The following CAPN15 variants were observed in gnomAD, a reference collection of about 807,000 sequenced individuals.
CAPN15 encodes the protein calpain 15, also known as calpain-15.
In CAPN15, 53 loss-of-function variants were observed where a neutral mutation model predicts 97.9. The ratio of observed to expected loss-of-function variants is 0.54; its 90% CI spans 0.43 to 0.68. The LOEUF is 0.68. Ranked by LOEUF, CAPN15 falls within the 30% of genes least tolerant of loss-of-function variation. CAPN15 has a pLI of 0.00. For synonymous variants in CAPN15, 922 were observed against 722.5 expected (o/e 1.28, Z -4.43); for missense variants, 1,592 against 1,589.8 (o/e 1.00, Z -0.02).
rs1306134330 is a variant in CAPN15 at position 533,980 on chromosome 16, GAGCTTGCTGC to G, written c.-149_-140del. ...CAGACGCGGCACAGAGAGGGCCTGG[GAGCTTGCTGC>G]AGCTTCAGGTGAGTTTGTTCCCAAG... On this transcript the variant is annotated 5_prime_UTR_variant, in exon 2 of 14. Coordinates refer to ENST00000219611, the MANE Select transcript of CAPN15 (RefSeq NM_005632.3). 1 of 985,384 alleles carries G rather than the reference GAGCTTGCTGC, an allele frequency of 1.0e-6. No homozygotes were observed. Among genetic ancestry groups the G allele is most frequent in the Non-Finnish European group, 1.2e-6 (1 of 829,986 alleles). The allele number at this position is 985,384 out of a possible 1,614,324, so 61.0% of individuals were successfully genotyped here. A position where few individuals can be genotyped will look rare whatever the true frequency, so the allele number is the denominator to read the frequency against.
At chr16:549,942 G>A (rs1363769604) in intron 7 of CAPN15, 104 bp downstream of exon 7, 10 of 972,510 alleles carry the variant, frequency 1.0e-5, no homozygotes, top group African/African-American at 6.5e-5. Context: ...CTGCTTCCAC[G>A]AGGTGCCCCT....
At position 554,531 on chromosome 16, in the gene CAPN15, G is replaced by A. The variant is rs760888267; in HGVS notation, c.*1015G>A. 1 of 456,236 alleles carries A rather than the reference G, an allele frequency of 2.2e-6. No homozygotes were observed. The highest frequency in any genetic ancestry group is 2.3e-5 in the Admixed American group (1 of 42,584). The allele number at this position is 456,236 out of a possible 1,614,324, so 28.3% of individuals were successfully genotyped here. A position where few individuals can be genotyped will look rare whatever the true frequency, so the allele number is the denominator to read the frequency against. ...AAATACGGCCAGCTCTTGTGACACA[G>A]AGACTATTTTATCAATTGTCAGTCC... On this transcript the variant is annotated 3_prime_UTR_variant, in exon 14 of 14. Transcript: ENST00000219611.
In CAPN15 at chr16:530,095, G is replaced by C. The variant is rs528206521; in HGVS notation, c.-190+2066G>C. 1.1e-4 allele frequency among the ~76,000 whole-genome samples: 17 copies of C among 152,306 alleles called. No individual in the cohort carries two copies. The East Asian group carries it at 1.7e-3, about 16-fold the overall frequency. On this transcript the variant is annotated intron_variant, in intron 1 of 13. Transcript: ENST00000219611. ...TGGATGTGGGTTTTCTCACCACCAG[G>C]CTGTGCCTCAGCTGTGTGGAGCCAC...
intron 1 of CAPN15, among the ~76,000 whole-genome samples, chr16:530,528 A>C (rs1175761689): frequency 6.6e-6 from 1 of 152,108 alleles, no homozygotes. Context: ...TGATCTTTGC[A>C]TGTGTGTCTC....
In CAPN15 at chr16:552,735, C is replaced by T; in HGVS notation, c.2868C>T (p.Ile956=). 6.5e-7 allele frequency: 1 copy of T among 1,544,258 alleles called. No homozygotes were observed. Among genetic ancestry groups the T allele is most frequent in the African/African-American group, 1.4e-5 (1 of 72,984 alleles). Residue 956 remains isoleucine, a synonymous_variant, in exon 12 of 14, where the codon ATC becomes ATT. Transcript: ENST00000219611. This position sits in a 1 kb window ranked among gnomAD's most constrained non-coding sequence, Gnocchi z 6.4. The part of the protein sequence containing the change: ...EAQPTTLADA[I]ILLTESRGER... ...AGCCGACCACGCTGGCCGACGCCAT[C>T]ATCCTGCTCACCGAGAGCCGCGGAG... is the stretch of plus-strand genomic sequence containing the variant.
chr16:552,919 G>A lies in CAPN15; in HGVS notation c.2961G>A (p.Val987=), dbSNP rs770860082. 1 of 1,611,716 alleles carries A rather than the reference G, an allele frequency of 6.2e-7. No homozygotes were observed. Among genetic ancestry groups the A allele is most frequent in the Non-Finnish European group, 8.5e-7 (1 of 1,179,350 alleles). Residue 987 remains valine (V), a synonymous_variant, in exon 13 of 14, where the codon GTG becomes GTA. Coordinates refer to ENST00000219611, the MANE Select transcript of CAPN15 (RefSeq NM_005632.3). The surrounding 1 kb of genome is among the most constrained non-coding windows in gnomAD (Gnocchi z 6.4). ...YLTHGWAGLI[V]VVENRHPKAY... The stretch of plus-strand genomic sequence containing the variant: ...CACACGGTTGGGCGGGGCTCATCGT[G>A]GTGGTGGAGAACCGACACCCCAAGG...
At position 546,937 on chromosome 16, in the gene CAPN15, C is replaced by T. The variant is rs148465501; in HGVS notation, c.99C>T (p.Pro33=). Residue 33 remains proline, a synonymous_variant, in exon 4 of 14, where the codon CCC becomes CCT. Coordinates refer to ENST00000219611, the MANE Select transcript of CAPN15 (RefSeq NM_005632.3). The part of the protein sequence containing the change: ...CSICEAPRHK[P]DLNHILRLSV... ...TCTGCGAGGCTCCCCGGCACAAGCC[C>T]GACCTCAACCACATCCTGCGGCTCA... The T allele has an allele frequency of 3.5e-5, 56 of 1,610,704 alleles. No individual in the cohort carries two copies. The highest frequency in any genetic ancestry group is 4.6e-5 in the Non-Finnish European group (54 of 1,179,902).
At chr16:548,937 C>A in intron 4 of CAPN15, 56 bp from the exon 5 acceptor site, 1 of 1,539,496 alleles carries the variant, frequency 6.5e-7, no homozygotes, top group Non-Finnish European at 9.0e-7. Flanking sequence ...CTTGTCCCTG[C>A]CAGGTGGAGC....
At chr16:530,506 C>T (rs1021235543) in intron 1 of CAPN15, among the ~76,000 whole-genome samples, 2 of 152,210 alleles carry the variant, frequency 1.3e-5, no homozygotes, top group Non-Finnish European at 1.5e-5. Flanking sequence ...AGAGAACAGG[C>T]TTGCTGGCCT....
Position 546,887 on chromosome 16 carries a change from C to A in CAPN15, c.49C>A (p.Pro17Thr). Residue 17 changes from proline to threonine, a missense_variant, in exon 4 of 14, where the codon CCG (proline) becomes ACG (threonine). Transcript: ENST00000219611. Reference protein sequence around the residue: ...WSCVRCTFLNPAGQRQCSICE... With the variant: ...WSCVRCTFLNTAGQRQCSICE... ...CTGTGTGCGCTGCACCTTCCTGAAC[C>A]CGGCCGGCCAGCGCCAGTGCTCCAT... is the stretch of plus-strand genomic sequence containing the variant. The A allele has an allele frequency of 6.2e-7, 1 of 1,611,608 alleles. No individual in the cohort carries two copies. Among genetic ancestry groups the A allele is most frequent in the Non-Finnish European group, 8.5e-7 (1 of 1,179,736 alleles).
intron 7 of CAPN15, among the ~76,000 whole-genome samples, chr16:550,253 C>T (rs755990006): frequency 3.3e-5 from 5 of 152,216 alleles, no homozygotes; most frequent in South Asian, 4.1e-4. Context: ...TGCCCCGGTG[C>T]GAGCACCTTG....
At position 549,864 on chromosome 16, in the gene CAPN15, A is replaced by G. The variant is rs1388433550; in HGVS notation, c.2066+26A>G. ...GTAAGAGGAGGGGCACTGCGTGGTC[A>G]GCCGCGTTGGGAGGAGAGGCGAGGC... On this transcript the variant is annotated intron_variant, in intron 7 of 13. Coordinates refer to ENST00000219611, the MANE Select transcript of CAPN15 (RefSeq NM_005632.3). 3.9e-6 allele frequency: 6 copies of G among 1,525,480 alleles called. 1 individual carries two copies. Among genetic ancestry groups the G allele is most frequent in the Non-Finnish European group, 2.7e-6 (3 of 1,121,870 alleles). 94.5% of individuals were successfully genotyped at this position (1,525,480 alleles called of 1,614,324 possible). A position where few individuals can be genotyped will look rare whatever the true frequency, so the allele number is the denominator to read the frequency against.
chr16:534,231 C>CGGGGCCGTGGTCCTGTCATGGG (rs370331827), intron 2 of CAPN15, among the ~76,000 whole-genome samples: 1 of 147,792 alleles, frequency 6.8e-6, no homozygotes, highest in African/African-American at 2.7e-5. Context: ...GGGGTCCCGA[C>CGGGGCCGTGGTCCTGTCATGGG]AGGGGTGTTT....
chr16:540,172 G>A (rs2034014902), intron 3 of CAPN15: 1 of 985,438 alleles, frequency 1.0e-6, no homozygotes, highest in Non-Finnish European at 1.2e-6. Context: ...TCTCAGCACG[G>A]CCGCCGGCCG....
intron 3 of CAPN15, among the ~76,000 whole-genome samples, chr16:546,195 G>A (rs1268547129): frequency 5.3e-5 from 8 of 152,254 alleles, no homozygotes; most frequent in Admixed American, 1.3e-4. Context: ...CGTGTTGCTC[G>A]CGGAGACTTT....
intron 4 of CAPN15, 112 bp from the exon 5 acceptor site, chr16:548,881 C>A: frequency 1.0e-6 from 1 of 980,128 alleles, no homozygotes; most frequent in East Asian, 2.4e-5. Context: ...TCCACCCGTC[C>A]CTTTGGGGCT....
chr16:535,317 T>C lies in CAPN15; in HGVS notation c.-136-712T>C, dbSNP rs1200629109. 1.3e-5 allele frequency: 2 copies of C among 154,016 alleles called. No individual in the cohort carries two copies. The highest frequency in any genetic ancestry group is 1.9e-4 in the East Asian group (1 of 5,168). 9.5% of individuals were successfully genotyped at this position (154,016 alleles called of 1,614,324 possible). A position where few individuals can be genotyped will look rare whatever the true frequency, so the allele number is the denominator to read the frequency against. On this transcript the variant is annotated intron_variant, in intron 2 of 13. Coordinates refer to ENST00000219611, the MANE Select transcript of CAPN15 (RefSeq NM_005632.3). This position sits in a 1 kb window ranked among gnomAD's most constrained non-coding sequence, Gnocchi z 6.2. ...GGCCGCAGATGGAGCGGGGCGGCAA[T>C]GGTCACCTCCGGGACTCAGCCCTGT...
At position 551,614 on chromosome 16, in the gene CAPN15, G is replaced by C; in HGVS notation, c.2295G>C (p.Pro765=). The change falls in exon 9 of 14, where the codon CCG becomes CCC. Residue 765 remains proline (P), a synonymous_variant. Coordinates refer to ENST00000219611, the MANE Select transcript of CAPN15 (RefSeq NM_005632.3). The stretch of plus-strand genomic sequence containing the variant: ...GGCACCTGCGTGGCGAGCTCATGCC[G>C]CACGGCAGCAGTGAGGGTGTCTTCT... The part of the protein sequence containing the change: ...WPGHLRGELM[P]HGSSEGVFWM... 1.9e-6 allele frequency: 3 copies of C among 1,606,472 alleles called. No homozygotes were observed. Among genetic ancestry groups the C allele is most frequent in the Non-Finnish European group, 1.7e-6 (2 of 1,178,422 alleles).
chr16:532,633 C>T (rs1181599518), intron 1 of CAPN15, among the ~76,000 whole-genome samples: 1 of 151,658 alleles, frequency 6.6e-6, no homozygotes, highest in African/African-American at 2.4e-5. Context: ...GGTGGATCAC[C>T]TGAGGTCAGG....
Sources: gnomAD v4.1 joint callset for allele counts (sites outside exome capture counted in the v4.1 genomes callset) on GRCh38, gnomAD v4.1.1 for gene constraint, Gnocchi (gnomAD v3.1) non-coding constraint, MANE v1.5 for transcripts, NCBI Gene and HGNC (gene_info 2026-07-23, HGNC 2026-07-21) for gene names.